Variants in WWOX observed in about 807,000 individuals in gnomAD.
WWOX encodes the protein WW domain-containing oxidoreductase.
In WWOX, 69 loss-of-function variants were observed where a neutral mutation model predicts 46.2. That is an observed-to-expected ratio of 1.49 (90% CI 1.23 to 1.82). The LOEUF (loss-of-function observed/expected upper bound fraction) is 1.82. Among genes scored for constraint, WWOX ranks in the 40% most tolerant of loss-of-function variants. WWOX has a pLI of 0.00. For synonymous variants in WWOX, 359 were observed against 202.6 expected (o/e 1.77, Z -6.56); for missense variants, 919 against 542.6 (o/e 1.69, Z -6.89).
At chr16:79,053,860 C>A (rs974712376) in intron 8 of WWOX, among the ~76,000 whole-genome samples, 1 of 152,102 alleles carries the variant, frequency 6.6e-6, no homozygotes, top group African/African-American at 2.4e-5. Flanking sequence ...GTTTGCCAGC[C>A]CGAAAACTCC....
chr16:78,675,720 A>G (rs992346180), intron 8 of WWOX, among the ~76,000 whole-genome samples: 4 of 152,136 alleles, frequency 2.6e-5, no homozygotes, highest in Non-Finnish European at 5.9e-5. Flanking sequence ...CATGCCTATA[A>G]CCCTGCACTT....
intron 8 of WWOX, among the ~76,000 whole-genome samples, chr16:78,465,784 C>T (rs985094144): frequency 1.3e-5 from 2 of 152,090 alleles, no homozygotes; most frequent in African/African-American, 2.4e-5. Context: ...AAAATGTATT[C>T]TGTGTTTCAT....
At chr16:79,106,530 C>G (rs1020705779) in intron 8 of WWOX, 1 of 149,664 alleles carries the variant, frequency 6.7e-6, no homozygotes, top group Non-Finnish European at 1.5e-5. Flanking sequence ...GAAAGTATAC[C>G]TATCAGATTT....
At chr16:79,166,443 G>C (rs1427706611) in intron 8 of WWOX, among the ~76,000 whole-genome samples, 1 of 151,838 alleles carries the variant, frequency 6.6e-6, no homozygotes, top group African/African-American at 2.4e-5. Flanking sequence ...TCCCTCCTTT[G>C]TCACAGAGCC....
rs905497663 is a variant in WWOX, at chr16:78,965,680, C to T, written c.1057-245928C>T. ...ATAAACTATGTTACTCAACCCAGTT[C>T]TGTCGTCGTCATTTTTTTGTGTTGG... On this transcript the variant is annotated intron_variant, in intron 8 of 8. Transcript: ENST00000566780. Among the ~76,000 whole-genome samples, 9 of 152,210 alleles carry T rather than the reference C, an allele frequency of 5.9e-5. No homozygotes were observed. In the South Asian group the frequency reaches 6.2e-4, roughly 11 times the overall value.
rs375665099 is a variant in WWOX, at chr16:78,140,834, C to G, written c.410-23349C>G. Among the ~76,000 whole-genome samples the G allele has an allele frequency of 1.6e-4, 25 of 152,276 alleles. No homozygotes were observed. The East Asian group carries it at 4.6e-3, about 28-fold the overall frequency. ...ATCTTTTTGGGGGGACACAATTAGA[C>G]CAATAGCAACTGTGCTATAAAAGAG... is the stretch of plus-strand genomic sequence containing the variant. On this transcript the variant is annotated intron_variant, in intron 4 of 8. Coordinates refer to ENST00000566780, the MANE Select transcript of WWOX (RefSeq NM_016373.4).
At chr16:78,877,843 A>G (rs1378523458) in intron 8 of WWOX, among the ~76,000 whole-genome samples, 3 of 152,176 alleles carry the variant, frequency 2.0e-5, no homozygotes, top group Admixed American at 2.0e-4. Flanking sequence ...CAACATAGGT[A>G]GTTTTATATA....
intron 8 of WWOX, among the ~76,000 whole-genome samples, chr16:79,093,655 T>A (rs2049010120): frequency 6.6e-6 from 1 of 152,194 alleles, no homozygotes; most frequent in African/African-American, 2.4e-5. Context: ...GACATTACTT[T>A]TACCGCACAC....
intron 8 of WWOX, among the ~76,000 whole-genome samples, chr16:78,751,009 C>G (rs1388236057): frequency 6.6e-6 from 1 of 152,084 alleles, no homozygotes; most frequent in Non-Finnish European, 1.5e-5. Context: ...TGTATACCCA[C>G]TAATAAGATT....
chr16:78,332,868 C>G (rs1268136310), intron 5 of WWOX, among the ~76,000 whole-genome samples: 2 of 152,014 alleles, frequency 1.3e-5, no homozygotes, highest in Non-Finnish European at 2.9e-5. Context: ...TCATGTCGCA[C>G]AGTTCAGTGT....
intron 5 of WWOX, among the ~76,000 whole-genome samples, chr16:78,227,122 C>G (rs1487180620): frequency 6.6e-6 from 1 of 152,154 alleles, no homozygotes; most frequent in Non-Finnish European, 1.5e-5. Flanking sequence ...CACGCGGGCT[C>G]GCAATATTAC....
At chr16:78,344,817 C>G (rs1465522806) in intron 5 of WWOX, among the ~76,000 whole-genome samples, 2 of 121,540 alleles carry the variant, frequency 1.6e-5, no homozygotes, top group African/African-American at 2.8e-5. Flanking sequence ...AAAAGTGCAT[C>G]AAGCTCTTGT....
At chr16:78,900,630 C>A (rs866673466) in intron 8 of WWOX, among the ~76,000 whole-genome samples, 1 of 152,096 alleles carries the variant, frequency 6.6e-6, no homozygotes, top group Non-Finnish European at 1.5e-5. Context: ...TTCTTTCCAG[C>A]CTGTCTTTCC....
intron 8 of WWOX, among the ~76,000 whole-genome samples, chr16:78,583,230 A>C (rs2045108145): frequency 6.6e-6 from 1 of 152,316 alleles, no homozygotes; most frequent in African/African-American, 2.4e-5. Context: ...TGGTTCAACC[A>C]AAGAACCAGG....
chr16:78,260,936 C>CAAA (rs35410839), intron 5 of WWOX, among the ~76,000 whole-genome samples: 3 of 62,986 alleles, frequency 4.8e-5, no homozygotes, highest in Admixed American at 3.0e-4. Flanking sequence ...GACTCCATCT[C>CAAA]AAAAAAAAAA....
chr16:78,103,242 GTTT>G (rs74264852), intron 1 of WWOX, among the ~76,000 whole-genome samples: 1 of 142,640 alleles, frequency 7.0e-6, no homozygotes, highest in Non-Finnish European at 1.5e-5. Flanking sequence ...TGGCTCCGCT[GTTT>G]TTTTTTTTTT....
rs1010965375 is a variant in WWOX at position 78,572,568 on chromosome 16, A to G, written c.1056+139816A>G. On this transcript the variant is annotated intron_variant, in intron 8 of 8. Transcript: ENST00000566780. ...CAGTGAGCCATGATTGTACCACTGCACTCCAGCCTGGGCTACAGAGTAAGA... is the reference window on the plus strand; with the variant it reads ...CAGTGAGCCATGATTGTACCACTGCGCTCCAGCCTGGGCTACAGAGTAAGA... Among the ~76,000 whole-genome samples the G allele has an allele frequency of 4.5e-5, 6 of 134,146 alleles. No individual in the cohort carries two copies. The South Asian group carries it at 7.1e-4, about 16-fold the overall frequency. 88.0% of individuals were successfully genotyped at this position (134,146 alleles called of 152,430 possible).
chr16:78,152,361 C>G (rs913731112), intron 4 of WWOX, among the ~76,000 whole-genome samples: 3 of 150,328 alleles, frequency 2.0e-5, no homozygotes, highest in Admixed American at 1.3e-4. Context: ...TAGATAATGC[C>G]GTACTGAATA....
intron 8 of WWOX, among the ~76,000 whole-genome samples, chr16:78,651,461 C>T (rs913835518): frequency 2.6e-5 from 4 of 152,174 alleles, no homozygotes; most frequent in Non-Finnish European, 4.4e-5. Context: ...CATGCAGGTC[C>T]CTGGAAGTGT....
Sources: gnomAD v4.1 joint callset for allele counts (sites outside exome capture counted in the v4.1 genomes callset) on GRCh38, gnomAD v4.1.1 for gene constraint, MANE v1.5 for transcripts, NCBI Gene and HGNC (gene_info 2026-07-23, HGNC 2026-07-21) for gene names.